ATP8A2: variants seen among roughly 807,000 people sequenced by gnomAD.
ATP8A2 encodes phospholipid-transporting ATPase IB.
ATP8A2 carries 100 observed loss-of-function variants against 165.6 expected under a neutral mutation model. The observed-to-expected ratio is 0.60, with a 90% CI of 0.51 to 0.71. The LOEUF is 0.71. ATP8A2 is among the 30% of genes least tolerant of loss of function. ATP8A2 has a pLI of 0.00. For synonymous variants in ATP8A2, 543 were observed against 548.8 expected, an observed-to-expected ratio of 0.99 and a Z score of 0.15; for missense variants, 1,227 against 1,479.5, an observed-to-expected ratio of 0.83 and a Z score of 2.80.
chr13:25,663,603 A>T (rs2042094027), intron 24 of ATP8A2, among the ~76,000 whole-genome samples: 1 of 152,180 alleles, frequency 6.6e-6, no homozygotes, highest in Non-Finnish European at 1.5e-5. Context: ...AGGATCGCAG[A>T]CCAGCTACTT....
rs766505941 is a variant in ATP8A2, at chr13:25,837,221, A to G, written c.2813A>G (p.Glu938Gly). The G allele has an allele frequency of 1.5e-5, 25 of 1,613,948 alleles. No homozygotes were observed. The highest frequency in any genetic ancestry group is 4.0e-5 in the African/African-American group (3 of 74,892). ...LGIFERSCTQ[E>G]SMLRFPQLYK... ...ATCTTTGAGAGGTCTTGCACTCAGGAGAGCATGCTCAGGTTTCCCCAGCTC... is the reference window on the plus strand; with the variant it reads ...ATCTTTGAGAGGTCTTGCACTCAGGGGAGCATGCTCAGGTTTCCCCAGCTC... The change falls in exon 29 of 37, where the codon GAG (glutamate) becomes GGG (glycine). Residue 938 changes from glutamate to glycine, a missense_variant. Physicochemically the swap from Glu to Gly is moderately conservative, Grantham distance 98. This residue lies in a region of ATP8A2 where 592 missense variants were observed against 785.6 expected (regional missense o/e 0.75). Transcript: ENST00000381655.
chr13:26,012,146 C>T (rs1445408342), intron 35 of ATP8A2, among the ~76,000 whole-genome samples: 2 of 152,170 alleles, frequency 1.3e-5, no homozygotes, highest in African/African-American at 4.8e-5. Context: ...GGTCCTGAGG[C>T]CTCCGCGGGG....
intron 15 of ATP8A2, among the ~76,000 whole-genome samples, chr13:25,560,538 A>C (rs1008428971): frequency 2.0e-5 from 3 of 151,540 alleles, no homozygotes; most frequent in African/African-American, 7.3e-5. Flanking sequence ...TGTCTCTACT[A>C]AAAATACAAA....
At chr13:25,565,445 G>A (rs773336796) in intron 16 of ATP8A2, among the ~76,000 whole-genome samples, 22 of 152,106 alleles carry the variant, frequency 1.4e-4, no homozygotes, top group African/African-American at 4.3e-4. Flanking sequence ...GTGGTATTGC[G>A]TTGTGGTTTT....
rs1009903854 is a variant in ATP8A2, at chr13:25,481,406, C to T, written c.221+12285C>T. Reference sequence around the variant, plus strand: ...TTCTAGGAGCCCTCCTGAGACTCAACGCCCATGCATCCTTCATTCCTCCTC... The same window carrying T: ...TTCTAGGAGCCCTCCTGAGACTCAATGCCCATGCATCCTTCATTCCTCCTC... On this transcript the variant is annotated intron_variant, in intron 2 of 36. Coordinates refer to ENST00000381655, the MANE Select transcript of ATP8A2 (RefSeq NM_016529.6). 8.5e-5 allele frequency among the ~76,000 whole-genome samples: 13 copies of T among 152,204 alleles called. No individual in the cohort carries two copies. The East Asian group carries it at 1.7e-3, about 20-fold the overall frequency.
chr13:25,456,867 A>G (rs2035376948), intron 1 of ATP8A2, among the ~76,000 whole-genome samples: 1 of 152,064 alleles, frequency 6.6e-6, no homozygotes, highest in East Asian at 1.9e-4. Context: ...ACATGTTCCT[A>G]TCTTAAACAG....
chr13:25,506,739 G>A (rs1384556439), intron 2 of ATP8A2, among the ~76,000 whole-genome samples: 1 of 152,076 alleles, frequency 6.6e-6, no homozygotes, highest in East Asian at 1.9e-4. Flanking sequence ...ATAGGTGTGA[G>A]CCACCATGCC....
chr13:25,581,018 G>T (rs1335274158), intron 22 of ATP8A2, among the ~76,000 whole-genome samples: 1 of 152,022 alleles, frequency 6.6e-6, no homozygotes, highest in East Asian at 1.9e-4. Flanking sequence ...TCTGAATTCA[G>T]GTGTTTATTT....
chr13:25,802,802 A>T (rs114338881), intron 27 of ATP8A2, among the ~76,000 whole-genome samples: 3 of 152,308 alleles, frequency 2.0e-5, no homozygotes, highest in African/African-American at 7.2e-5. Flanking sequence ...TCATTCCATG[A>T]GCCCCTTCAG....
chr13:25,531,137 G>A (rs183719058), intron 4 of ATP8A2, among the ~76,000 whole-genome samples: 8,985 of 135,638 alleles, frequency 0.066, 490 homozygotes, highest in South Asian at 0.14. Flanking sequence ...GTGTGTGTGT[G>A]TATATATATG....
At chr13:25,424,565 G>A (rs907893008) in intron 1 of ATP8A2, among the ~76,000 whole-genome samples, 1 of 152,186 alleles carries the variant, frequency 6.6e-6, no homozygotes, top group Non-Finnish European at 1.5e-5. Context: ...AAAGTGGTTT[G>A]TAAAACACAT....
chr13:26,012,323 G>C (rs943544902), intron 35 of ATP8A2, among the ~76,000 whole-genome samples: 1 of 152,156 alleles, frequency 6.6e-6, no homozygotes, highest in African/African-American at 2.4e-5. Context: ...CTAAGGGAGG[G>C]ACTGGAAACG....
chr13:25,941,942 C>G (rs1045311485), intron 33 of ATP8A2, among the ~76,000 whole-genome samples: 1 of 152,176 alleles, frequency 6.6e-6, no homozygotes, highest in Admixed American at 6.5e-5. Context: ...GATAGAAATG[C>G]TCTCGTTACT....
chr13:25,951,022 G>A (rs959726474), intron 33 of ATP8A2, among the ~76,000 whole-genome samples: 11 of 152,280 alleles, frequency 7.2e-5, no homozygotes, highest in Non-Finnish European at 1.2e-4. Context: ...ACCGGAATGC[G>A]CCTGCACTTG....
At chr13:25,408,859 C>T (rs1807707977) in intron 1 of ATP8A2, among the ~76,000 whole-genome samples, 1 of 152,166 alleles carries the variant, frequency 6.6e-6, no homozygotes, top group African/African-American at 2.4e-5. Context: ...TTATGATCCT[C>T]TTGGAATGCT....
chr13:25,806,043 A>C (rs921385645), intron 27 of ATP8A2, among the ~76,000 whole-genome samples: 23 of 152,142 alleles, frequency 1.5e-4, no homozygotes, highest in Non-Finnish European at 2.9e-4. Flanking sequence ...ATCATTCTTC[A>C]TTTGTTGGAA....
chr13:25,998,314 C>T (rs1030348596), intron 35 of ATP8A2, among the ~76,000 whole-genome samples: 1 of 152,246 alleles, frequency 6.6e-6, no homozygotes, highest in African/African-American at 2.4e-5. Context: ...AGTCAAGGAT[C>T]CCTGCTTGGT....
At chr13:25,669,189 C>G (rs60562281) in intron 24 of ATP8A2, among the ~76,000 whole-genome samples, 5,303 of 152,070 alleles carry the variant, frequency 0.035, 156 homozygotes, top group East Asian at 0.13. Context: ...CCCCTAACCA[C>G]GGTCTATTAT....
intron 33 of ATP8A2, among the ~76,000 whole-genome samples, chr13:25,883,416 C>T (rs1234805773): frequency 6.6e-6 from 1 of 151,958 alleles, no homozygotes; most frequent in African/African-American, 2.4e-5. Flanking sequence ...GAAACTCCAT[C>T]TCAAAAAAAG....
Sources: gnomAD v4.1 joint callset for allele counts (sites outside exome capture counted in the v4.1 genomes callset) on GRCh38, gnomAD v4.1.1 for gene constraint, gnomAD v4.1.1 regional missense constraint, MANE v1.5 for transcripts, NCBI Gene and HGNC (gene_info 2026-07-23, HGNC 2026-07-21) for gene names.